The following PTP4A3 variants were observed in gnomAD, a reference collection of about 807,000 sequenced individuals.
The protein encoded by PTP4A3 is protein tyrosine phosphatase type IVA 3.
In PTP4A3, 9 loss-of-function variants were observed where a neutral mutation model predicts 15.2. That is an observed-to-expected ratio of 0.59 (90% CI 0.36 to 1.03). The LOEUF (loss-of-function observed/expected upper bound fraction) is 1.03. Among genes scored for constraint, PTP4A3 ranks in the 50% least tolerant of loss-of-function variants. PTP4A3 has a pLI of 0.02. For synonymous variants in PTP4A3, 95 were observed against 102.0 expected (o/e 0.93, Z 0.41); for missense variants, 234 against 252.1 (o/e 0.93, Z 0.49).
chr8:141,426,887 G>A (rs1833598611), intron 3 of PTP4A3, 52 bp from the exon 4 acceptor site: 4 of 1,581,272 alleles, frequency 2.5e-6, no homozygotes, highest in South Asian at 2.3e-5. Context: ...CCCCAGAGCC[G>A]CCTCTCTACC....
intron 5 of PTP4A3, among the ~76,000 whole-genome samples, chr8:141,430,515 G>A (rs1165232935): frequency 6.6e-6 from 1 of 152,210 alleles, no homozygotes; most frequent in Non-Finnish European, 1.5e-5. Context: ...CTGTTGTAAG[G>A]GAAGGTCGCG....
At chr8:141,428,366 G>T (rs1043585205) in intron 5 of PTP4A3, among the ~76,000 whole-genome samples, 2 of 151,884 alleles carry the variant, frequency 1.3e-5, no homozygotes, top group East Asian at 3.9e-4. Context: ...GCCTCCCTGG[G>T]GAGGGCTGCC....
chr8:141,430,731 G>T (rs371419840), intron 5 of PTP4A3, among the ~76,000 whole-genome samples, 196 bp from the exon 6 acceptor site: 10 of 152,140 alleles, frequency 6.6e-5, no homozygotes, highest in African/African-American at 2.2e-4. Flanking sequence ...GCAAGCAGGG[G>T]TGAGCTGCAG....
At chr8:141,427,145 A>C in intron 4 of PTP4A3, 76 bp downstream of exon 4, 1 of 1,560,286 alleles carries the variant, frequency 6.4e-7, no homozygotes, top group Non-Finnish European at 8.6e-7. Flanking sequence ...TCGCTTTTGG[A>C]TGTGGGTCTT....
chr8:141,422,590 C>T (rs888584983), intron 2 of PTP4A3, among the ~76,000 whole-genome samples: 19 of 151,472 alleles, frequency 1.3e-4, no homozygotes, highest in Non-Finnish European at 1.8e-4. Context: ...AGGGGGCTGG[C>T]GTGTGATAGG....
intron 5 of PTP4A3, 113 bp from the exon 6 acceptor site, chr8:141,430,814 G>A: frequency 2.0e-6 from 2 of 988,986 alleles, no homozygotes; most frequent in South Asian, 1.4e-5. Flanking sequence ...GGCTTGGCCA[G>A]CCTCAAGGCC....
At chr8:141,400,228 ACCTCTGCGCCTGGCCCG>A (rs1563724237) in intron 1 of PTP4A3, among the ~76,000 whole-genome samples, 2 of 150,198 alleles carry the variant, frequency 1.3e-5, no homozygotes, top group Non-Finnish European at 3.0e-5. Flanking sequence ...CGCCTGGCCC[ACCTCTGCGCCTGGCCCG>A]CCTCTGCACC....
At chr8:141,400,348 T>C (rs1256494221) in intron 1 of PTP4A3, among the ~76,000 whole-genome samples, 1 of 152,220 alleles carries the variant, frequency 6.6e-6, no homozygotes, top group Non-Finnish European at 1.5e-5. Context: ...CATTTGGTGA[T>C]GTTCATTATA....
At chr8:141,424,162 G>A (rs915891203) in intron 2 of PTP4A3, among the ~76,000 whole-genome samples, 23 of 152,078 alleles carry the variant, frequency 1.5e-4, no homozygotes, top group Non-Finnish European at 2.8e-4. Flanking sequence ...AGATAGTTGG[G>A]TGCTGGCCTC....
At chr8:141,423,736 G>A (rs1833438751) in intron 2 of PTP4A3, among the ~76,000 whole-genome samples, 2 of 151,638 alleles carry the variant, frequency 1.3e-5, no homozygotes, top group African/African-American at 4.9e-5. Context: ...CTCAGTGTGT[G>A]TCCAAGATCA....
chr8:141,399,783 T>A (rs1832540241), intron 1 of PTP4A3, among the ~76,000 whole-genome samples: 1 of 152,214 alleles, frequency 6.6e-6, no homozygotes, highest in South Asian at 2.1e-4. Context: ...GGTGCCTCAG[T>A]TTCCCTACCT....
At position 141,426,809 on chromosome 8, in the gene PTP4A3, T is replaced by C. The variant is rs1243653643; in HGVS notation, c.199-130T>C. On this transcript the variant is annotated intron_variant, in intron 3 of 5. Transcript: ENST00000521578. ...GTGCCCCTCCTGTGTGCCCTCTGGGTCTGCTGCCCCCACCCTAGTGGGCTC... is the reference window on the plus strand; with the variant it reads ...GTGCCCCTCCTGTGTGCCCTCTGGGCCTGCTGCCCCCACCCTAGTGGGCTC... 3 of 1,440,220 alleles carry C rather than the reference T, an allele frequency of 2.1e-6. No individual in the cohort carries two copies. The African/African-American group carries it at 4.3e-5, about 21-fold the overall frequency. The allele number at this position is 1,440,220 out of a possible 1,614,324, so 89.2% of individuals were successfully genotyped here. A position where few individuals can be genotyped will look rare whatever the true frequency, so the allele number is the denominator to read the frequency against.
chr8:141,416,869 G>A (rs1219726432), intron 1 of PTP4A3, among the ~76,000 whole-genome samples: 1 of 152,026 alleles, frequency 6.6e-6, no homozygotes, highest in Non-Finnish European at 1.5e-5. Context: ...AGGGGGGGTC[G>A]TGCTCTCAGC....
chr8:141,409,942 T>C (rs1214044465), intron 1 of PTP4A3, among the ~76,000 whole-genome samples: 4 of 152,162 alleles, frequency 2.6e-5, no homozygotes, highest in Non-Finnish European at 5.9e-5. Flanking sequence ...GCCTTGGCTG[T>C]TGTCATGGCA....
intron 5 of PTP4A3, among the ~76,000 whole-genome samples, chr8:141,429,514 G>A (rs1249288253): frequency 6.6e-6 from 1 of 152,062 alleles, no homozygotes; most frequent in Admixed American, 6.5e-5. Flanking sequence ...ACATAGCCCA[G>A]GTCCCTGCTG....
chr8:141,422,318 C>A lies in PTP4A3; in HGVS notation c.78C>A (p.Thr26=). The A allele has an allele frequency of 6.2e-7, 1 of 1,613,488 alleles. No individual in the cohort carries two copies. The highest frequency in any genetic ancestry group is 8.5e-7 in the Non-Finnish European group (1 of 1,179,990). The change falls in exon 2 of 6, where the codon ACC becomes ACA. Residue 26 remains threonine (T), a synonymous_variant. Coordinates refer to ENST00000521578, the MANE Select transcript of PTP4A3 (RefSeq NM_032611.3). ...GCTTCCTCATCACCCACAACCCCAC[C>A]AACGCCACGCTCAGCACCTTCATTG... ...HMRFLITHNP[T]NATLSTFIED...
chr8:141,422,726 T>C (rs1833394580), intron 2 of PTP4A3, among the ~76,000 whole-genome samples: 1 of 152,162 alleles, frequency 6.6e-6, no homozygotes, highest in Non-Finnish European at 1.5e-5. Flanking sequence ...CAGATGTTGC[T>C]GGGCTCTGGA....
chr8:141,422,432 C>A, intron 2 of PTP4A3, 87 bp downstream of exon 2: 1 of 1,434,554 alleles, frequency 7.0e-7, no homozygotes, highest in Non-Finnish European at 9.8e-7. Context: ...CAAGAGGGGT[C>A]CCCAGCCCCG....
rs149476161 is a variant in PTP4A3 at position 141,412,158 on chromosome 8, G to A, written c.-853-9230G>A. ...GTGCTGCGCTGGGCAGTGGCTAAGC[G>A]TGGGCTCTTCCTTTTCTGTGACACA... On this transcript the variant is annotated intron_variant, in intron 1 of 5. Coordinates refer to ENST00000521578, the MANE Select transcript of PTP4A3 (RefSeq NM_032611.3). 4.7e-4 allele frequency among the ~76,000 whole-genome samples: 71 copies of A among 152,334 alleles called. 1 individual carries two copies. Among genetic ancestry groups the A allele is most frequent in the African/African-American group, 1.5e-3 (63 of 41,574 alleles).
Sources: gnomAD v4.1 joint callset for allele counts (sites outside exome capture counted in the v4.1 genomes callset) on GRCh38, gnomAD v4.1.1 for gene constraint, MANE v1.5 for transcripts, NCBI Gene and HGNC (gene_info 2026-07-23, HGNC 2026-07-21) for gene names.